COTL1: variants seen among roughly 807,000 people sequenced by gnomAD.
The protein encoded by COTL1 is coactosin-like protein.
In COTL1, 15 loss-of-function variants were observed where a neutral mutation model predicts 16.5. The observed-to-expected ratio is 0.91, with a 90% CI of 0.61 to 1.40. The LOEUF is 1.40. Ranked by LOEUF, COTL1 falls within the 40% of genes most tolerant of loss-of-function variation. The pLI is 0.00. For missense variants in COTL1, 220 were observed against 201.5 expected (o/e 1.09, Z -0.56); for synonymous variants, 112 against 85.3 (o/e 1.31, Z -1.73).
intron 2 of COTL1, among the ~76,000 whole-genome samples, chr16:84,592,970 C>T (rs1904907560): frequency 6.6e-6 from 1 of 152,232 alleles, no homozygotes; most frequent in African/African-American, 2.4e-5. Context: ...CACATTGGCA[C>T]ACCACTTTTC....
intron 2 of COTL1, among the ~76,000 whole-genome samples, chr16:84,593,672 C>G (rs1193330091): frequency 1.3e-5 from 2 of 152,084 alleles, no homozygotes; most frequent in African/African-American, 2.4e-5. Context: ...CCACCACGCC[C>G]GGCTAATTTT....
intron 2 of COTL1, among the ~76,000 whole-genome samples, chr16:84,612,953 G>C (rs1567541575): frequency 6.6e-6 from 1 of 151,884 alleles, no homozygotes; most frequent in Non-Finnish European, 1.5e-5. Flanking sequence ...CAATGAGTGA[G>C]AAGCAGAGCG....
intron 3 of COTL1, among the ~76,000 whole-genome samples, chr16:84,573,541 G>A (rs1448261674): frequency 2.0e-5 from 3 of 152,178 alleles, no homozygotes; most frequent in Admixed American, 6.5e-5. Flanking sequence ...TTGGGAGGCC[G>A]AGGTGAGTGG....
rs913124022 is a variant in COTL1, at chr16:84,618,030, G to T, written c.-116C>A. On this transcript the variant is annotated 5_prime_UTR_variant, in exon 1 of 4. Transcript: ENST00000262428. ...GGGCGCACGGGCTGGCGGCGGTGGCGACGGCTACGCGGCGCCTGCAAGCTG... is the reference window on the plus strand; with the variant it reads ...GGGCGCACGGGCTGGCGGCGGTGGCTACGGCTACGCGGCGCCTGCAAGCTG... 6.2e-6 allele frequency: 3 copies of T among 484,776 alleles called. No homozygotes were observed. The highest frequency in any genetic ancestry group is 8.5e-6 in the Non-Finnish European group (3 of 353,176). 30.0% of individuals were successfully genotyped at this position (484,776 alleles called of 1,614,324 possible). A position where few individuals can be genotyped will look rare whatever the true frequency, so the allele number is the denominator to read the frequency against.
At chr16:84,613,724 G>A (rs1488603541) in intron 2 of COTL1, among the ~76,000 whole-genome samples, 2 of 152,232 alleles carry the variant, frequency 1.3e-5, no homozygotes, top group African/African-American at 4.8e-5. Context: ...GAGGAAAGCA[G>A]AGATGTTAAG....
intron 2 of COTL1, among the ~76,000 whole-genome samples, chr16:84,615,853 T>TGTGTGTGTGTG (rs1905463717): frequency 6.7e-6 from 1 of 149,702 alleles, no homozygotes; most frequent in Non-Finnish European, 1.5e-5. Context: ...AATTTTAGTT[T>TGTGTGTGTGTG]TGTGTGTGTG....
intron 2 of COTL1, among the ~76,000 whole-genome samples, chr16:84,600,303 A>G (rs1419576305): frequency 6.7e-6 from 1 of 148,930 alleles, no homozygotes; most frequent in Non-Finnish European, 1.5e-5. Context: ...TAGGGCATGA[A>G]TAAAGGCTCT....
intron 3 of COTL1, among the ~76,000 whole-genome samples, chr16:84,587,621 A>G (rs1904762602): frequency 6.6e-6 from 1 of 152,116 alleles, no homozygotes; most frequent in Non-Finnish European, 1.5e-5. Flanking sequence ...TTAACCTTAA[A>G]AAAAGCAGCT....
At chr16:84,581,945 C>T (rs961791858) in intron 3 of COTL1, among the ~76,000 whole-genome samples, 17 of 149,960 alleles carry the variant, frequency 1.1e-4, no homozygotes, top group African/African-American at 3.7e-4. Context: ...CCTGGTAATA[C>T]ACAAAGAGCC....
chr16:84,598,643 C>T lies in COTL1; in HGVS notation c.161-8381G>A, dbSNP rs532335492. Among the ~76,000 whole-genome samples the T allele has an allele frequency of 2.3e-3, 219 of 95,484 alleles. 1 individual carries two copies. Among genetic ancestry groups the T allele is most frequent in the Non-Finnish European group, 1.8e-3 (81 of 45,896 alleles). The allele number at this position is 95,484 out of a possible 152,430, so 62.6% of individuals were successfully genotyped here. On this transcript the variant is annotated intron_variant, in intron 2 of 3. Transcript: ENST00000262428. ...CCTCCCCATCTGTGCCTCCTCCTCC[C>T]CTTCTCCCCCCCAACCCCCCCCACC...
intron 2 of COTL1, among the ~76,000 whole-genome samples, chr16:84,603,007 A>C (rs1905132137): frequency 6.6e-6 from 1 of 152,146 alleles, no homozygotes. Flanking sequence ...AGCTGGCTTG[A>C]AACCTCAGCG....
rs747973960 is a variant in COTL1, at chr16:84,590,755, T to G, written c.161-493A>C. Among the ~76,000 whole-genome samples the G allele has an allele frequency of 6.6e-6, 1 of 152,198 alleles. No individual in the cohort carries two copies. The highest frequency in any genetic ancestry group is 1.5e-5 in the Non-Finnish European group (1 of 68,030). On this transcript the variant is annotated intron_variant, in intron 2 of 3. Coordinates refer to ENST00000262428, the MANE Select transcript of COTL1 (RefSeq NM_021149.5). The surrounding 1 kb of genome is among the most constrained non-coding windows in gnomAD (Gnocchi z 5.5). ...TTATTTAGGGACCAGAAATTCATCC[T>G]CTTTGTAGACCAGAAATTCATCAAC... is the stretch of plus-strand genomic sequence containing the variant.
chr16:84,574,407 CTTTGT>C (rs1904405383), intron 3 of COTL1, among the ~76,000 whole-genome samples: 1 of 152,212 alleles, frequency 6.6e-6, no homozygotes, highest in South Asian at 2.1e-4. Context: ...GAAGAAAGCT[CTTTGT>C]TTTGTCTGGG....
intron 2 of COTL1, among the ~76,000 whole-genome samples, chr16:84,609,667 G>C (rs1040625111): frequency 6.6e-6 from 1 of 152,322 alleles, no homozygotes; most frequent in Non-Finnish European, 1.5e-5. Flanking sequence ...TGTAATAAGT[G>C]TCAAGGGCAG....
At chr16:84,606,068 T>A (rs1597184305) in intron 2 of COTL1, among the ~76,000 whole-genome samples, 1 of 152,232 alleles carries the variant, frequency 6.6e-6, no homozygotes, top group Non-Finnish European at 1.5e-5. Context: ...CTATGGCAGG[T>A]TAATTTCAAA....
intron 2 of COTL1, among the ~76,000 whole-genome samples, chr16:84,606,547 G>C (rs1905214533): frequency 6.6e-6 from 1 of 152,256 alleles, no homozygotes; most frequent in African/African-American, 2.4e-5. Context: ...TATGATCTTA[G>C]GCACTGCTAA....
chr16:84,615,945 C>T (rs1016989026), intron 2 of COTL1: 1 of 151,932 alleles, frequency 6.6e-6, no homozygotes, highest in African/African-American at 2.4e-5. Context: ...TTGAATTGAA[C>T]TAAATGCAAA....
intron 2 of COTL1, among the ~76,000 whole-genome samples, chr16:84,592,976 T>G (rs1904907809): frequency 6.6e-6 from 1 of 152,214 alleles, no homozygotes. Flanking sequence ...GGCACACCAC[T>G]TTTCAGTTTA....
chr16:84,590,000 C>G (rs1904821462), intron 3 of COTL1, 105 bp downstream of exon 3: 3 of 1,160,804 alleles, frequency 2.6e-6, no homozygotes, highest in Admixed American at 2.3e-5. Flanking sequence ...TGTCCCAAGT[C>G]ACAGCTAAGC....
Sources: gnomAD v4.1 joint callset for allele counts (sites outside exome capture counted in the v4.1 genomes callset) on GRCh38, gnomAD v4.1.1 for gene constraint, Gnocchi (gnomAD v3.1) non-coding constraint, MANE v1.5 for transcripts, NCBI Gene and HGNC (gene_info 2026-07-23, HGNC 2026-07-21) for gene names.